The following FHIT variants were observed in gnomAD, a reference collection of about 807,000 sequenced individuals.
FHIT encodes bis(5'-adenosyl)-triphosphatase.
FHIT carries 19 observed loss-of-function variants against 17.9 expected under a neutral mutation model. That is an observed-to-expected ratio of 1.06 (90% CI 0.74 to 1.56). The LOEUF (loss-of-function observed/expected upper bound fraction) is 1.56, where lower values mean the gene tolerates loss of function less well. FHIT is among the 40% of genes most tolerant of loss of function. The pLI, the probability that FHIT is intolerant of heterozygous loss-of-function variation, is 0.00. For synonymous variants in FHIT, 81 were observed against 69.7 expected (o/e 1.16, Z -0.81); for missense variants, 248 against 189.2 (o/e 1.31, Z -1.82).
chr3:60,840,014 C>G (rs1702666975), intron 3 of FHIT, among the ~76,000 whole-genome samples: 1 of 152,014 alleles, frequency 6.6e-6, no homozygotes, highest in Non-Finnish European at 1.5e-5. Flanking sequence ...TATTTAGACC[C>G]GGTGGCGAGG....
intron 4 of FHIT, among the ~76,000 whole-genome samples, chr3:60,636,633 A>T (rs2039592833): frequency 6.6e-6 from 1 of 152,188 alleles, no homozygotes; most frequent in Non-Finnish European, 1.5e-5. Flanking sequence ...CCCCGCTATG[A>T]AGTAAGCAGG....
At chr3:60,746,213 G>A (rs1269099137) in intron 4 of FHIT, among the ~76,000 whole-genome samples, 2 of 152,146 alleles carry the variant, frequency 1.3e-5, no homozygotes, top group African/African-American at 2.4e-5. Context: ...AGAGTAAGCA[G>A]CAAAAGACAA....
chr3:61,239,698 C>A (rs1396138918), intron 1 of FHIT, among the ~76,000 whole-genome samples: 1 of 145,620 alleles, frequency 6.9e-6, no homozygotes, highest in Non-Finnish European at 1.5e-5. Flanking sequence ...TAACAATCTA[C>A]GAAGTGGGTA....
rs897011536 is a variant in FHIT, at chr3:60,427,517, C to T, written c.103+109343G>A. Among the ~76,000 whole-genome samples the T allele has an allele frequency of 1.6e-4, 24 of 152,262 alleles. 1 individual carries two copies. The highest frequency in any genetic ancestry group is 1.3e-3 in the Admixed American group (20 of 15,290). ...AATAAATTTCTGTGGCTTTAAGCCA[C>T]TACATTTGTGGTAATGTATTACACA... On this transcript the variant is annotated intron_variant, in intron 5 of 9. Coordinates refer to ENST00000492590, the MANE Select transcript of FHIT (RefSeq NM_002012.4).
chr3:60,427,262 C>G (rs890067372), intron 5 of FHIT, among the ~76,000 whole-genome samples: 13 of 152,050 alleles, frequency 8.5e-5, no homozygotes, highest in African/African-American at 3.1e-4. Context: ...ATGAACGCTG[C>G]GCAGTAGCCG....
At chr3:60,402,350 A>G (rs1046535594) in intron 5 of FHIT, among the ~76,000 whole-genome samples, 1 of 152,152 alleles carries the variant, frequency 6.6e-6, no homozygotes, top group Non-Finnish European at 1.5e-5. Context: ...TCCAACATCA[A>G]CAGTCTGGTT....
intron 8 of FHIT, among the ~76,000 whole-genome samples, chr3:59,771,931 G>T (rs766381525): frequency 1.3e-5 from 2 of 152,106 alleles, no homozygotes; most frequent in African/African-American, 2.4e-5. Context: ...TTTCTAGAAG[G>T]TTTGTACACC....
intron 4 of FHIT, among the ~76,000 whole-genome samples, chr3:60,582,317 C>A (rs1476456900): frequency 6.6e-6 from 1 of 151,986 alleles, no homozygotes; most frequent in Non-Finnish European, 1.5e-5. Context: ...TGATGAATGC[C>A]CTCGTCAGAG....
At chr3:60,731,783 C>G (rs1433299337) in intron 4 of FHIT, among the ~76,000 whole-genome samples, 1 of 152,070 alleles carries the variant, frequency 6.6e-6, no homozygotes, top group Non-Finnish European at 1.5e-5. Flanking sequence ...CCAGCTGCAA[C>G]CAATTATTAT....
intron 4 of FHIT, among the ~76,000 whole-genome samples, chr3:60,615,892 A>G (rs1171574966): frequency 6.6e-6 from 1 of 152,234 alleles, no homozygotes; most frequent in Non-Finnish European, 1.5e-5. Flanking sequence ...TTTACCAATA[A>G]GAATAGAGTG....
At chr3:60,232,146 T>C (rs537777340) in intron 5 of FHIT, among the ~76,000 whole-genome samples, 304 of 152,316 alleles carry the variant, frequency 2.0e-3, no homozygotes, top group African/African-American at 7.0e-3. Flanking sequence ...ATGTCATTTG[T>C]TCATGCACAC....
At chr3:60,861,263 T>TGATA (rs1559782255) in intron 3 of FHIT, among the ~76,000 whole-genome samples, 4 of 97,426 alleles carry the variant, frequency 4.1e-5, no homozygotes, top group African/African-American at 1.6e-4. Context: ...ATATGATATA[T>TGATA]CATATCATAT....
intron 3 of FHIT, among the ~76,000 whole-genome samples, chr3:60,971,805 T>C (rs1710031478): frequency 6.6e-6 from 1 of 152,174 alleles, no homozygotes; most frequent in Non-Finnish European, 1.5e-5. Context: ...AATAAAAAAA[T>C]AAGAATATTA....
intron 5 of FHIT, among the ~76,000 whole-genome samples, chr3:60,301,456 C>T (rs1291091780): frequency 7.9e-5 from 12 of 152,126 alleles, no homozygotes; most frequent in Admixed American, 5.2e-4. Context: ...CTCATTCAGC[C>T]TCATGTGCTC....
chr3:60,102,466 G>A (rs573775178), intron 5 of FHIT, among the ~76,000 whole-genome samples: 5 of 152,276 alleles, frequency 3.3e-5, no homozygotes, highest in African/African-American at 9.6e-5. Flanking sequence ...GAAACATTTA[G>A]TCCAGAATGA....
chr3:60,123,899 T>C (rs1406336106), intron 5 of FHIT, among the ~76,000 whole-genome samples: 5 of 146,856 alleles, frequency 3.4e-5, no homozygotes, highest in Non-Finnish European at 7.5e-5. Flanking sequence ...ATTTGTTACA[T>C]GAGTATATTC....
chr3:60,024,961 G>A (rs565083397), intron 5 of FHIT, among the ~76,000 whole-genome samples: 1 of 152,320 alleles, frequency 6.6e-6, no homozygotes, highest in African/African-American at 2.4e-5. Flanking sequence ...ATTCAAAGCA[G>A]GCCTGGCCTG....
chr3:60,097,951 G>C (rs909405168), intron 5 of FHIT, among the ~76,000 whole-genome samples: 3 of 149,050 alleles, frequency 2.0e-5, no homozygotes, highest in African/African-American at 7.5e-5. Context: ...ACCTATGAGT[G>C]AGAACATGCA....
At chr3:60,611,395 C>T (rs1055956970) in intron 4 of FHIT, among the ~76,000 whole-genome samples, 26 of 152,088 alleles carry the variant, frequency 1.7e-4, no homozygotes, top group African/African-American at 5.8e-4. Context: ...ATTATAGGAA[C>T]GCTAAGCATG....
Sources: allele counts gnomAD v4.1 joint callset (sites outside exome capture counted in the v4.1 genomes callset), GRCh38; gene constraint gnomAD v4.1.1; transcripts MANE v1.5; gene names NCBI Gene and HGNC (gene_info 2026-07-23, HGNC 2026-07-21).